The following IGF2BP2 variants were observed in gnomAD, a reference collection of about 807,000 sequenced individuals.
IGF2BP2 encodes insulin like growth factor 2 mRNA binding protein 2.
Under a neutral mutation model 75.8 loss-of-function variants are expected in IGF2BP2, and 17 were observed. The ratio of observed to expected loss-of-function variants is 0.22; its 90% CI spans 0.15 to 0.34. The LOEUF (loss-of-function observed/expected upper bound fraction) is 0.34, where lower values mean the gene tolerates loss of function less well. Ranked by LOEUF, IGF2BP2 falls within the 10% of genes least tolerant of loss-of-function variation. The pLI is 1.00. For missense variants in IGF2BP2, 516 were observed against 772.4 expected (o/e 0.67, Z 3.93); for synonymous variants, 288 against 295.6 (o/e 0.97, Z 0.26).
At chr3:185,797,906 A>G (rs1737654284) in intron 2 of IGF2BP2, among the ~76,000 whole-genome samples, 1 of 150,426 alleles carries the variant, frequency 6.6e-6, no homozygotes, top group Admixed American at 6.6e-5. Flanking sequence ...TTAAAAAAAA[A>G]AAAAAAAAAA....
intron 12 of IGF2BP2, among the ~76,000 whole-genome samples, chr3:185,652,423 T>C (rs1365856484): frequency 6.6e-6 from 1 of 152,156 alleles, no homozygotes; most frequent in Non-Finnish European, 1.5e-5. Context: ...CCTGTCCCTG[T>C]CCTGAGCACC....
At chr3:185,740,954 T>C (rs371692528) in intron 2 of IGF2BP2, among the ~76,000 whole-genome samples, 1 of 152,246 alleles carries the variant, frequency 6.6e-6, no homozygotes, top group Non-Finnish European at 1.5e-5. Flanking sequence ...CTCGGCTCAC[T>C]GCAACCTCCG....
intron 8 of IGF2BP2, 84 bp from the exon 9 acceptor site, chr3:185,675,515 T>G: frequency 2.7e-6 from 4 of 1,505,730 alleles, no homozygotes; most frequent in Non-Finnish European, 3.6e-6. Context: ...CAAACAAGTT[T>G]TGGCGGAGAG....
chr3:185,697,823 A>T (rs575491820), intron 3 of IGF2BP2, among the ~76,000 whole-genome samples: 4 of 152,162 alleles, frequency 2.6e-5, no homozygotes, highest in Non-Finnish European at 5.9e-5. Flanking sequence ...CATCTCTAAA[A>T]AAATACAAAA....
At chr3:185,785,257 C>T (rs1183972043) in intron 2 of IGF2BP2, among the ~76,000 whole-genome samples, 1 of 149,200 alleles carries the variant, frequency 6.7e-6, no homozygotes, top group East Asian at 2.0e-4. Flanking sequence ...GCCGAGATCA[C>T]GCCACTGCAC....
chr3:185,807,534 C>T (rs749287635), intron 2 of IGF2BP2, among the ~76,000 whole-genome samples: 3 of 152,140 alleles, frequency 2.0e-5, no homozygotes, highest in Admixed American at 1.3e-4. Flanking sequence ...GTATATGCCC[C>T]AAATTAAGTA....
At chr3:185,665,569 GAGA>G (rs1375556783) in intron 10 of IGF2BP2, among the ~76,000 whole-genome samples, 26 of 143,830 alleles carry the variant, frequency 1.8e-4, no homozygotes, top group Admixed American at 1.7e-3. Flanking sequence ...GAAGGAGAAG[GAGA>G]AGAAGGAGAA....
chr3:185,740,852 G>A (rs545568988), intron 2 of IGF2BP2, among the ~76,000 whole-genome samples: 60 of 152,290 alleles, frequency 3.9e-4, no homozygotes, highest in South Asian at 1.7e-3. Context: ...TTGAGGAAAT[G>A]TTTGCATATT....
chr3:185,741,538 C>T (rs1729557302), intron 2 of IGF2BP2, among the ~76,000 whole-genome samples: 1 of 152,170 alleles, frequency 6.6e-6, no homozygotes, highest in Non-Finnish European at 1.5e-5. Flanking sequence ...TGAATAACTG[C>T]TATTTGTCAT....
At chr3:185,749,662 T>C (rs1730706062) in intron 2 of IGF2BP2, among the ~76,000 whole-genome samples, 1 of 152,202 alleles carries the variant, frequency 6.6e-6, no homozygotes, top group South Asian at 2.1e-4. Context: ...CTTCTTCCGC[T>C]GGGTAATTTT....
At chr3:185,795,275 C>T (rs1006182662) in intron 2 of IGF2BP2, among the ~76,000 whole-genome samples, 2 of 152,162 alleles carry the variant, frequency 1.3e-5, no homozygotes, top group Admixed American at 6.5e-5. Context: ...GTCTTCATGG[C>T]TCATCCATGT....
At chr3:185,744,674 T>G (rs1311801103) in intron 2 of IGF2BP2, among the ~76,000 whole-genome samples, 1 of 152,118 alleles carries the variant, frequency 6.6e-6, no homozygotes, top group Non-Finnish European at 1.5e-5. Context: ...CTGGGCGTGG[T>G]GGCCGGCGCC....
At chr3:185,751,730 C>T (rs745326435) in intron 2 of IGF2BP2, among the ~76,000 whole-genome samples, 4 of 151,824 alleles carry the variant, frequency 2.6e-5, no homozygotes, top group Admixed American at 6.6e-5. Context: ...TTTGGGAGGC[C>T]GAGACGGGCG....
At chr3:185,805,296 T>G (rs796274282) in intron 2 of IGF2BP2, among the ~76,000 whole-genome samples, 1 of 152,138 alleles carries the variant, frequency 6.6e-6, no homozygotes, top group Non-Finnish European at 1.5e-5. Context: ...TAACTTGAGC[T>G]GTGGAAAGAC....
chr3:185,702,649 C>G (rs961002761), intron 2 of IGF2BP2, among the ~76,000 whole-genome samples: 3 of 152,090 alleles, frequency 2.0e-5, no homozygotes, highest in African/African-American at 7.2e-5. Flanking sequence ...TGCACCTCCC[C>G]CTCTCCCATC....
At chr3:185,723,260 G>C (rs1169683278) in intron 2 of IGF2BP2, among the ~76,000 whole-genome samples, 1 of 152,084 alleles carries the variant, frequency 6.6e-6, no homozygotes, top group Non-Finnish European at 1.5e-5. Flanking sequence ...TCATGATATT[G>C]ATTTCTATCC....
chr3:185,667,250 T>G (rs1402880901), intron 10 of IGF2BP2, among the ~76,000 whole-genome samples: 1 of 136,810 alleles, frequency 7.3e-6, no homozygotes, highest in Non-Finnish European at 1.7e-5. Context: ...TCAGTATAAG[T>G]CAAGATAAAT....
chr3:185,687,922 C>A (rs1179888956), intron 6 of IGF2BP2, among the ~76,000 whole-genome samples: 1 of 152,038 alleles, frequency 6.6e-6, no homozygotes, highest in African/African-American at 2.4e-5. Flanking sequence ...TCTATTTAAA[C>A]TTGTTACATT....
At position 185,736,849 on chromosome 3, in the gene IGF2BP2, A is replaced by C. The variant is rs1217412877; in HGVS notation, c.240-38502T>G. ...AGTTTTCCTTTTGACCCTGATACGC[A>C]AAACTGTGCCATCAGTACTGGGTGG... On this transcript the variant is annotated intron_variant, in intron 2 of 15. Coordinates refer to ENST00000382199, the MANE Select transcript of IGF2BP2 (RefSeq NM_006548.6). Among the ~76,000 whole-genome samples the C allele has an allele frequency of 2.0e-5, 3 of 152,342 alleles. No homozygotes were observed. The South Asian group carries it at 6.2e-4, about 32-fold the overall frequency.
Sources: allele counts gnomAD v4.1 joint callset (sites outside exome capture counted in the v4.1 genomes callset), GRCh38; gene constraint gnomAD v4.1.1; transcripts MANE v1.5; gene names NCBI Gene and HGNC (gene_info 2026-07-23, HGNC 2026-07-21).